The following HELZ variants were observed in gnomAD, a reference collection of about 807,000 sequenced individuals.
HELZ encodes helicase with zinc finger, also known as ATP-dependent RNA helicase with zinc finger domain.
Under a neutral mutation model 218.2 loss-of-function variants are expected in HELZ, and 23 were observed. The observed-to-expected ratio is 0.11, with a 90% confidence interval of 0.08 to 0.15. HELZ has a LOEUF of 0.15. Ranked by LOEUF, HELZ falls within the 10% of genes least tolerant of loss-of-function variation. The pLI is 1.00. For missense variants in HELZ, 1,813 were observed against 2,353.7 expected, an observed-to-expected ratio of 0.77 and a Z score of 4.75; for synonymous variants, 814 against 829.4, an observed-to-expected ratio of 0.98 and a Z score of 0.32.
chr17:67,195,320 C>A, intron 8 of HELZ, 99 bp downstream of exon 8: 4 of 704,340 alleles, frequency 5.7e-6, no homozygotes, highest in Non-Finnish European at 1.0e-5. Flanking sequence ...TACATCTCCA[C>A]TTATATGTAC....
At chr17:67,241,858 TGGCA>T (rs1304527039) in intron 2 of HELZ, among the ~76,000 whole-genome samples, 1 of 152,206 alleles carries the variant, frequency 6.6e-6, no homozygotes, top group Non-Finnish European at 1.5e-5. Flanking sequence ...TTCAATACTA[TGGCA>T]TTTCCCATTT....
chr17:67,217,243 A>C (rs1481939084), intron 4 of HELZ, among the ~76,000 whole-genome samples: 1 of 152,158 alleles, frequency 6.6e-6, no homozygotes, highest in Non-Finnish European at 1.5e-5. Flanking sequence ...CCAATTGCTC[A>C]GACAAAAAGT....
intron 13 of HELZ, chr17:67,176,301 T>G (rs2039455146): frequency 6.6e-6 from 1 of 152,236 alleles, no homozygotes; most frequent in African/African-American, 2.4e-5. Context: ...TTCCCTAATA[T>G]TATATCATGA....
intron 21 of HELZ, among the ~76,000 whole-genome samples, chr17:67,139,154 T>C (rs147647810): frequency 2.6e-4 from 40 of 152,222 alleles, no homozygotes; most frequent in African/African-American, 8.9e-4. Context: ...TTTGAAAAAC[T>C]TGAGGTTACT....
intron 4 of HELZ, among the ~76,000 whole-genome samples, chr17:67,217,061 C>G (rs1388401186): frequency 1.3e-5 from 2 of 152,132 alleles, no homozygotes; most frequent in African/African-American, 4.8e-5. Context: ...TTCAATGAAT[C>G]TCTCTCCCAA....
At chr17:67,226,707 A>T (rs1201655912) in intron 3 of HELZ, among the ~76,000 whole-genome samples, 1 of 152,238 alleles carries the variant, frequency 6.6e-6, no homozygotes, top group Non-Finnish European at 1.5e-5. Flanking sequence ...AATGTTCATA[A>T]CAGTTCTATT....
At chr17:67,223,198 TG>T (rs1179876587) in intron 3 of HELZ, among the ~76,000 whole-genome samples, 7 of 151,074 alleles carry the variant, frequency 4.6e-5, no homozygotes, top group African/African-American at 1.7e-4. Context: ...AGGCAGAGCT[TG>T]CAGTGAGCCG....
At chr17:67,123,896 G>C in intron 25 of HELZ, 67 bp downstream of exon 25, 1 of 1,054,080 alleles carries the variant, frequency 9.5e-7, no homozygotes, top group Non-Finnish European at 1.5e-6. Flanking sequence ...TCTTTCTTGT[G>C]GTGAAATTTG....
intron 7 of HELZ, among the ~76,000 whole-genome samples, chr17:67,195,918 C>T (rs2040015875): frequency 7.4e-6 from 1 of 135,410 alleles, no homozygotes; most frequent in South Asian, 2.6e-4. Flanking sequence ...GTGGCGCAAA[C>T]TCAGCTCACT....
At position 67,108,255 on chromosome 17, in the gene HELZ, A is replaced by G. The variant is rs1176021193; in HGVS notation, c.4724+237T>C. 4.6e-5 allele frequency among the ~76,000 whole-genome samples: 7 copies of G among 152,254 alleles called. No individual in the cohort carries two copies. The highest frequency in any genetic ancestry group is 7.2e-5 in the African/African-American group (3 of 41,476). On this transcript the variant is annotated intron_variant, in intron 30 of 32. Transcript: ENST00000358691. This position sits in a 1 kb window ranked among gnomAD's most constrained non-coding sequence, Gnocchi z 4.1. ...GCAGAAAAGACCACAAAGTAAGGGA[A>G]CAAGTTAATTTCCAACCCATAGTAG... is the stretch of plus-strand genomic sequence containing the variant.
chr17:67,175,623 G>A (rs769148316), intron 13 of HELZ, among the ~76,000 whole-genome samples: 6 of 152,162 alleles, frequency 3.9e-5, no homozygotes, highest in Non-Finnish European at 8.8e-5. Flanking sequence ...TTCTTTGTAT[G>A]TGTACCAATT....
intron 31 of HELZ, among the ~76,000 whole-genome samples, chr17:67,087,734 C>T (rs1037901709): frequency 2.0e-5 from 3 of 152,200 alleles, no homozygotes; most frequent in Non-Finnish European, 4.4e-5. Flanking sequence ...ACCCAATTAA[C>T]TTAGTATATT....
intron 28 of HELZ, among the ~76,000 whole-genome samples, chr17:67,113,547 A>T (rs902594387): frequency 6.6e-6 from 1 of 152,176 alleles, no homozygotes; most frequent in Non-Finnish European, 1.5e-5. Flanking sequence ...GGCGTGAGCA[A>T]CCGCCAAGTA....
At chr17:67,222,346 TA>T (rs1374612350) in intron 3 of HELZ, among the ~76,000 whole-genome samples, 1 of 152,140 alleles carries the variant, frequency 6.6e-6, no homozygotes, top group East Asian at 1.9e-4. Context: ...AGCTAAACCG[TA>T]AATCTGGCTA....
Position 67,078,326 on chromosome 17 carries a change from G to C in HELZ, c.5755C>G (p.Pro1919Ala). ...CTCAGTTCCTGGAAGAGAGACAGAG[G>C]GTCGCTACTCTTCTTGGCCTGCTCA... ...PPEQAKKSSD[P>A]LSLFQELSLG... The change falls in exon 33 of 33, where the codon CCT becomes GCT. Residue 1919 changes from proline to alanine, a missense_variant. Transcript: ENST00000358691. 1 of 1,614,034 alleles carries C rather than the reference G, an allele frequency of 6.2e-7. No individual in the cohort carries two copies. The highest frequency in any genetic ancestry group is 8.5e-7 in the Non-Finnish European group (1 of 1,179,944).
At chr17:67,097,522 T>A (rs541876438) in intron 31 of HELZ, among the ~76,000 whole-genome samples, 1 of 152,250 alleles carries the variant, frequency 6.6e-6, no homozygotes, top group Non-Finnish European at 1.5e-5. Context: ...AGGGCACTTA[T>A]AATTTACAAA....
chr17:67,130,757 A>G (rs893125794), intron 23 of HELZ, among the ~76,000 whole-genome samples: 1 of 152,262 alleles, frequency 6.6e-6, no homozygotes, highest in Non-Finnish European at 1.5e-5. Context: ...TACATTCAAA[A>G]GAAAGGTCTT....
chr17:67,244,685 C>CCCA (rs1197883198), intron 1 of HELZ: 9 of 982,790 alleles, frequency 9.2e-6, no homozygotes, highest in Non-Finnish European at 1.1e-5. Flanking sequence ...CGCTCCAGCC[C>CCCA]CCACCCCACC....
At chr17:67,227,531 A>T (rs2040928106) in intron 3 of HELZ, among the ~76,000 whole-genome samples, 2 of 152,216 alleles carry the variant, frequency 1.3e-5, no homozygotes, top group Admixed American at 1.3e-4. Context: ...CAGCAGGATA[A>T]GTGTGCTGTG....
Sources: gnomAD v4.1 joint callset for allele counts (sites outside exome capture counted in the v4.1 genomes callset) on GRCh38, gnomAD v4.1.1 for gene constraint, Gnocchi (gnomAD v3.1) non-coding constraint, MANE v1.5 for transcripts, NCBI Gene and HGNC (gene_info 2026-07-23, HGNC 2026-07-21) for gene names.